HEATR4: variants seen among roughly 807,000 people sequenced by gnomAD.
The protein encoded by HEATR4 is HEAT repeat containing 4.
HEATR4 carries 95 observed loss-of-function variants against 108.8 expected under a neutral mutation model. The ratio of observed to expected loss-of-function variants is 0.87; its 90% confidence interval spans 0.74 to 1.04. HEATR4 has a LOEUF of 1.04. Among genes scored for constraint, HEATR4 ranks in the 50% least tolerant of loss-of-function variants. The pLI is 0.00. For synonymous variants in HEATR4, 443 were observed against 459.4 expected, an observed-to-expected ratio of 0.96 and a Z score of 0.46; for missense variants, 1,152 against 1,253.8, an observed-to-expected ratio of 0.92 and a Z score of 1.23.
chr14:73,590,571 C>CGGCGGGGGCGGG, the HEATR4 span, among the ~76,000 whole-genome samples: 1 of 152,220 alleles, frequency 6.6e-6, no homozygotes, highest in Admixed American at 6.5e-5. Flanking sequence ...CAGAAGCTCA[C>CGGCGGGGGCGGG]GGCGGGGGCG....
At position 73,554,794 on chromosome 14, in the gene HEATR4, T is replaced by C. The variant is rs1183267588; in HGVS notation, c.-152+3957A>G. Among the ~76,000 whole-genome samples, 6 of 115,012 alleles carry C rather than the reference T, an allele frequency of 5.2e-5. 1 individual carries two copies. The highest frequency in any genetic ancestry group is 1.4e-4 in the African/African-American group (5 of 35,698). The allele number at this position is 115,012 out of a possible 152,430, so 75.5% of individuals were successfully genotyped here. A position where few individuals can be genotyped will look rare whatever the true frequency, so the allele number is the denominator to read the frequency against. ...ATTCTTAGATAGAAACCATTCTTTA[T>C]ATTTGATAGACTGTTTTCAGAAAAC... On this transcript the variant is annotated intron_variant, in intron 1 of 17. Coordinates refer to ENST00000553558, the MANE Select transcript of HEATR4 (RefSeq NM_001220484.1).
At position 73,518,692 on chromosome 14, in the gene HEATR4, T is replaced by A. The variant is rs139064917; in HGVS notation, c.1210+331A>T. On this transcript the variant is annotated intron_variant, in intron 5 of 17. Transcript: ENST00000553558. ...AAGGGCAGAATGCTGGGTCAGGAGT[T>A]TGATGCACTTTCCCTGTTAGGTGCA... Among the ~76,000 whole-genome samples, 177 of 152,208 alleles carry A rather than the reference T, an allele frequency of 1.2e-3. 3 individuals are homozygous for A. Among genetic ancestry groups the A allele is most frequent in the East Asian group, 6.8e-3 (35 of 5,180 alleles).
the HEATR4 span, among the ~76,000 whole-genome samples, chr14:73,615,942 T>G: frequency 6.6e-6 from 1 of 152,050 alleles, no homozygotes; most frequent in Non-Finnish European, 1.5e-5. Context: ...GCCTAGCTAC[T>G]TGGGAGGGTG....
chr14:73,514,158 A>G lies in HEATR4; in HGVS notation c.1287T>C (p.Gly429=). The part of the protein sequence containing the change: ...TPAKDMLLQV[G]EKDVPIKTRR... ...TGGTCTTAATAGGCACATCCTTCTC[A>G]CCCACCTGCAGCAGCATATCCTTGG... Residue 429 remains glycine, a synonymous_variant, in exon 6 of 18, where the codon GGT becomes GGC. Coordinates refer to ENST00000553558, the MANE Select transcript of HEATR4 (RefSeq NM_001220484.1). The G allele has an allele frequency of 6.2e-7, 1 of 1,613,876 alleles. No individual in the cohort carries two copies. Among genetic ancestry groups the G allele is most frequent in the East Asian group, 2.2e-5 (1 of 44,884 alleles).
chr14:73,593,618 C>T, the HEATR4 span: 29 of 1,347,672 alleles, frequency 2.2e-5, no homozygotes, highest in Non-Finnish European at 2.8e-5. Flanking sequence ...GCTGAGATTA[C>T]AAGCATGAAC....
chr14:73,508,288 C>T lies in HEATR4; in HGVS notation c.1727G>A (p.Ser576Asn), dbSNP rs1207361448. ...IMQTALLKGNSVDSWAAAQCL... is the reference protein window; with the variant it reads ...IMQTALLKGNNVDSWAAAQCL... Reference sequence around the variant, plus strand: ...CTGAGCTGCAGCCCAGCTATCCACACTGTTACCTGCCACAGTTGGGTGAAA... The same window carrying T: ...CTGAGCTGCAGCCCAGCTATCCACATTGTTACCTGCCACAGTTGGGTGAAA... Residue 576 changes from serine to asparagine, a missense_variant, in exon 9 of 18, where the codon AGT becomes AAT. Physicochemically the swap from Ser to Asn is conservative, Grantham distance 46 (BLOSUM62 1). Transcript: ENST00000553558. 4.3e-6 allele frequency: 7 copies of T among 1,613,542 alleles called. No homozygotes were observed. Among genetic ancestry groups the T allele is most frequent in the Non-Finnish European group, 5.9e-6 (7 of 1,179,918 alleles).
At chr14:73,579,500 G>A in the HEATR4 span, among the ~76,000 whole-genome samples, 5 of 149,778 alleles carry the variant, frequency 3.3e-5, no homozygotes, top group South Asian at 6.4e-4. Flanking sequence ...ACTTGAAACC[G>A]GAAGGTGGAG....
chr14:73,491,391 C>A (rs1392656601), intron 17 of HEATR4: 4 of 1,351,412 alleles, frequency 3.0e-6, no homozygotes, highest in Non-Finnish European at 3.8e-6. Flanking sequence ...CTGGTGCCCG[C>A]TTCCGCGCCG....
the HEATR4 span, among the ~76,000 whole-genome samples, chr14:73,576,693 G>T: frequency 6.7e-6 from 1 of 149,064 alleles, no homozygotes; most frequent in Non-Finnish European, 1.5e-5. Context: ...CTACTGGGGA[G>T]GCTGAGGTGG....
Position 73,522,816 on chromosome 14 carries a change from G to T in HEATR4, c.337C>A (p.Pro113Thr), listed in dbSNP as rs889267071. Residue 113 changes from proline (P) to threonine (T), a missense_variant, in exon 3 of 18, where the codon CCT becomes ACT. Coordinates refer to ENST00000553558, the MANE Select transcript of HEATR4 (RefSeq NM_001220484.1). The stretch of plus-strand genomic sequence containing the variant: ...AACTTGAAGCTAACAGGTTTCTGAG[G>T]CCGGGCCTTCCTGATCTGGGGAGTA... ...IHTPQIRKAR[P>T]QKPVSFKFLG... 5 of 1,614,100 alleles carry T rather than the reference G, an allele frequency of 3.1e-6. No individual in the cohort carries two copies. The highest frequency in any genetic ancestry group is 4.2e-6 in the Non-Finnish European group (5 of 1,180,052).
At chr14:73,613,089 C>T in the HEATR4 span, 1 of 540,968 alleles carries the variant, frequency 1.8e-6, no homozygotes, top group Non-Finnish European at 3.1e-6. Context: ...CTTTCCTGTC[C>T]TGGGAATCGC....
At chr14:73,548,532 C>T (rs1889270778) in intron 1 of HEATR4, among the ~76,000 whole-genome samples, 1 of 115,156 alleles carries the variant, frequency 8.7e-6, no homozygotes, top group Non-Finnish European at 1.9e-5. Context: ...AAATATATGA[C>T]CAGGTAATGG....
At chr14:73,574,227 A>G in the HEATR4 span, 2 of 156,836 alleles carry the variant, frequency 1.3e-5, no homozygotes, top group African/African-American at 2.4e-5. Flanking sequence ...TAGTAAAGAG[A>G]TTCGTAGTTG....
upstream of HEATR4, among the ~76,000 whole-genome samples, chr14:73,561,624 G>A (rs1889532524): frequency 1.3e-5 from 2 of 151,690 alleles, 1 homozygote; most frequent in Non-Finnish European, 2.9e-5. Flanking sequence ...AGGTTGCAGT[G>A]AGCCAAGCAA....
chr14:73,535,651 G>T lies in HEATR4; in HGVS notation c.-151-5407C>A, dbSNP rs555526693. 3.4e-3 allele frequency among the ~76,000 whole-genome samples: 374 copies of T among 108,664 alleles called. 73 individuals are homozygous for T. The highest frequency in any genetic ancestry group is 0.011 in the African/African-American group (358 of 33,938). The allele number at this position is 108,664 out of a possible 152,430, so 71.3% of individuals were successfully genotyped here. On this transcript the variant is annotated intron_variant, in intron 1 of 17. Coordinates refer to ENST00000553558, the MANE Select transcript of HEATR4 (RefSeq NM_001220484.1). Reference sequence around the variant, plus strand: ...GCCCGGCGAATTTTTTGTATTTTTGGTTTTTTTTTAGTAGAGACGGAGTTT... The same window carrying T: ...GCCCGGCGAATTTTTTGTATTTTTGTTTTTTTTTTAGTAGAGACGGAGTTT...
the HEATR4 span, among the ~76,000 whole-genome samples, chr14:73,621,761 CTTTTT>C: frequency 1.8e-5 from 2 of 109,542 alleles, no homozygotes; most frequent in African/African-American, 8.4e-5. Flanking sequence ...TTCTTTCTTT[CTTTTT>C]TTTTTTTTTT....
At chr14:73,593,899 C>A in the HEATR4 span, 6 of 1,610,654 alleles carry the variant, frequency 3.7e-6, no homozygotes, top group South Asian at 6.6e-5. Flanking sequence ...GCTTCAACAT[C>A]CCCAGGTTCT....
In HEATR4 at chr14:73,502,863, AAG is replaced by A. The variant is rs147719236; in HGVS notation, c.2105+30_2105+31del. On this transcript the variant is annotated intron_variant, in intron 11 of 17. Coordinates refer to ENST00000553558, the MANE Select transcript of HEATR4 (RefSeq NM_001220484.1). ...CTCCTAAACACTTCTAAGAATTTAG[AAG>A]AGTGTCTCCTCATGTTGACTGGGTC... 12,584 of 1,525,406 alleles carry A rather than the reference AAG, an allele frequency of 8.2e-3. 251 individuals carry two copies. The highest frequency in any genetic ancestry group is 0.05 in the Admixed American group (3,016 of 59,802). The allele number at this position is 1,525,406 out of a possible 1,614,324, so 94.5% of individuals were successfully genotyped here. A position where few individuals can be genotyped will look rare whatever the true frequency, so the allele number is the denominator to read the frequency against.
chr14:73,591,552 A>G, the HEATR4 span, among the ~76,000 whole-genome samples: 1 of 152,180 alleles, frequency 6.6e-6, no homozygotes, highest in African/African-American at 2.4e-5. Context: ...AAAAAAAAAA[A>G]AAGTTAAAAA....
Sources: allele counts gnomAD v4.1 joint callset (sites outside exome capture counted in the v4.1 genomes callset), GRCh38; gene constraint gnomAD v4.1.1; transcripts MANE v1.5; gene names NCBI Gene and HGNC (gene_info 2026-07-23, HGNC 2026-07-21).